Variants in PDE3A observed in about 807,000 individuals in gnomAD.
PDE3A encodes phosphodiesterase 3A, also known as cGMP-inhibited 3',5'-cyclic phosphodiesterase 3A.
Under a neutral mutation model 98.3 loss-of-function variants are expected in PDE3A, and 43 were observed. That is an observed-to-expected ratio of 0.44 (90% confidence interval 0.34 to 0.56). The LOEUF is 0.56. Ranked by LOEUF, PDE3A falls within the 20% of genes least tolerant of loss-of-function variation. The pLI, the probability that PDE3A is intolerant of heterozygous loss-of-function variation, is 0.01. For synonymous variants in PDE3A, 663 were observed against 567.9 expected (o/e 1.17, Z -2.38); for missense variants, 1,427 against 1,440.7 (o/e 0.99, Z 0.15).
chr12:20,481,541 G>A (rs1019458519), intron 1 of PDE3A, among the ~76,000 whole-genome samples: 12 of 151,844 alleles, frequency 7.9e-5, no homozygotes, highest in Admixed American at 2.6e-4. Flanking sequence ...TCATAACTGG[G>A]GTACTATAGG....
At chr12:20,622,113 T>C (rs980064373) in intron 5 of PDE3A, among the ~76,000 whole-genome samples, 2 of 152,144 alleles carry the variant, frequency 1.3e-5, no homozygotes, top group Admixed American at 1.3e-4. Flanking sequence ...CTTCTGCCTT[T>C]AGCAGTTTAA....
Position 20,633,735 on chromosome 12 carries a change from C to T in PDE3A, c.1803C>T (p.Pro601=). The T allele has an allele frequency of 1.2e-6, 2 of 1,610,972 alleles. No homozygotes were observed. The highest frequency in any genetic ancestry group is 1.7e-6 in the Non-Finnish European group (2 of 1,178,372). The change falls in exon 7 of 16, where the codon CCC becomes CCT. Residue 601 remains proline, a synonymous_variant. Transcript: ENST00000359062. The stretch of plus-strand genomic sequence containing the variant: ...CCCAAGGGAATCCTGCTGATGAGCC[C>T]CTGGAGAGAAGTGGGGTAGCCACTC... ...PYSQGNPADE[P]LERSGVATRT...
chr12:20,386,257 AT>A (rs1297885885), intron 1 of PDE3A, among the ~76,000 whole-genome samples: 3 of 133,080 alleles, frequency 2.3e-5, no homozygotes, highest in African/African-American at 8.5e-5. Flanking sequence ...TATTAATTAT[AT>A]TAATATATTA....
intron 1 of PDE3A, among the ~76,000 whole-genome samples, chr12:20,446,896 A>G (rs1021462964): frequency 1.3e-5 from 2 of 152,098 alleles, no homozygotes; most frequent in African/African-American, 4.8e-5. Flanking sequence ...GGCTGAGGGA[A>G]CTGCAGTCCA....
chr12:20,665,093 GCCATCTCCCTC>G (rs1353078547), intron 15 of PDE3A, among the ~76,000 whole-genome samples: 1 of 152,052 alleles, frequency 6.6e-6, no homozygotes, highest in African/African-American at 2.4e-5. Context: ...TACCAACTGG[GCCATCTCCCTC>G]CCTTTCTGCT....
intron 1 of PDE3A, among the ~76,000 whole-genome samples, chr12:20,395,688 T>TTATA (rs5796857): frequency 0.04 from 5,721 of 143,302 alleles, 191 homozygotes; most frequent in African/African-American, 0.099. Flanking sequence ...AATAGAATCA[T>TTATA]TATATATATA....
intron 1 of PDE3A, among the ~76,000 whole-genome samples, chr12:20,398,316 T>G (rs1944057715): frequency 7.0e-6 from 1 of 142,826 alleles, no homozygotes. Flanking sequence ...TTTTTTGCCT[T>G]TAGTGATATT....
At position 20,457,898 on chromosome 12, in the gene PDE3A, C is replaced by T. The variant is rs535184496; in HGVS notation, c.960+87654C>T. Among the ~76,000 whole-genome samples the T allele has an allele frequency of 2.0e-5, 3 of 152,076 alleles. No individual in the cohort carries two copies. The East Asian group carries it at 5.8e-4, about 29-fold the overall frequency. ...TCCCTAAAATTGCTGCATTTTGAGC[C>T]TATCTTTTCAGTAAGTTTTCACAAT... On this transcript the variant is annotated intron_variant, in intron 1 of 15. Transcript: ENST00000359062.
rs766215615 is a variant in PDE3A, at chr12:20,646,651, G to T, written c.2365+48G>T. ...CTGCCTTATGAAAGATGGGAACAAG[G>T]GTGTTTTTGTTTTTGTTTTTTTTCA... On this transcript the variant is annotated intron_variant, in intron 11 of 15. Coordinates refer to ENST00000359062, the MANE Select transcript of PDE3A (RefSeq NM_000921.5). 3 of 1,400,552 alleles carry T rather than the reference G, an allele frequency of 2.1e-6. No homozygotes were observed. In the African/African-American group the frequency reaches 4.3e-5, roughly 20 times the overall value. 86.8% of individuals were successfully genotyped at this position (1,400,552 alleles called of 1,614,324 possible). A position where few individuals can be genotyped will look rare whatever the true frequency, so the allele number is the denominator to read the frequency against.
At chr12:20,592,295 T>G (rs1943356931) in intron 2 of PDE3A, among the ~76,000 whole-genome samples, 1 of 152,202 alleles carries the variant, frequency 6.6e-6, no homozygotes, top group African/African-American at 2.4e-5. Context: ...GTTGTATTTG[T>G]TTTGAGGGAA....
At chr12:20,543,256 G>T (rs1592039296) in intron 1 of PDE3A, among the ~76,000 whole-genome samples, 1 of 102,800 alleles carries the variant, frequency 9.7e-6, no homozygotes. Flanking sequence ...TATTTGGTTT[G>T]TTTGTTTTTT....
At chr12:20,465,314 A>G (rs1000785212) in intron 1 of PDE3A, among the ~76,000 whole-genome samples, 1 of 152,174 alleles carries the variant, frequency 6.6e-6, no homozygotes, top group African/African-American at 2.4e-5. Context: ...CACAGCTCTG[A>G]TGGTAAAATT....
intron 1 of PDE3A, among the ~76,000 whole-genome samples, chr12:20,412,929 AGTCT>A (rs1222735090): frequency 6.6e-6 from 1 of 152,196 alleles, no homozygotes; most frequent in East Asian, 1.9e-4. Context: ...CATGTTTTAA[AGTCT>A]GTCGCTATAT....
intron 1 of PDE3A, among the ~76,000 whole-genome samples, chr12:20,546,662 G>A (rs551583599): frequency 1.3e-5 from 2 of 152,052 alleles, no homozygotes; most frequent in Non-Finnish European, 2.9e-5. Flanking sequence ...GCTCGTCAGA[G>A]TAAATGTGGT....
chr12:20,497,978 G>C (rs1375104377), intron 1 of PDE3A, among the ~76,000 whole-genome samples: 1 of 152,140 alleles, frequency 6.6e-6, no homozygotes, highest in Non-Finnish European at 1.5e-5. Context: ...CTATCCCACT[G>C]TTTACCAATT....
At chr12:20,416,115 A>G (rs1944418207) in intron 1 of PDE3A, among the ~76,000 whole-genome samples, 1 of 152,228 alleles carries the variant, frequency 6.6e-6, no homozygotes, top group Admixed American at 6.5e-5. Context: ...ATGCATCCAT[A>G]GCTCTGCAGT....
chr12:20,394,803 T>G (rs1190778128), intron 1 of PDE3A, among the ~76,000 whole-genome samples: 1 of 151,976 alleles, frequency 6.6e-6, no homozygotes, highest in Non-Finnish European at 1.5e-5. Context: ...CCTGAAGATA[T>G]TATTTAGTTT....
chr12:20,403,365 T>C (rs1331811920), intron 1 of PDE3A, among the ~76,000 whole-genome samples: 1 of 152,210 alleles, frequency 6.6e-6, no homozygotes, highest in Non-Finnish European at 1.5e-5. Context: ...TGTTTCTGTT[T>C]TGAAGAAGAA....
intron 1 of PDE3A, among the ~76,000 whole-genome samples, chr12:20,529,381 TAA>T (rs1565578866): frequency 6.6e-6 from 1 of 152,150 alleles, no homozygotes; most frequent in Non-Finnish European, 1.5e-5. Flanking sequence ...ACCCATATAC[TAA>T]GAGTTGAATT....
Sources: gnomAD v4.1 joint callset for allele counts (sites outside exome capture counted in the v4.1 genomes callset) on GRCh38, gnomAD v4.1.1 for gene constraint, MANE v1.5 for transcripts, NCBI Gene and HGNC (gene_info 2026-07-23, HGNC 2026-07-21) for gene names.